The following EXOC6B variants were observed in gnomAD, a reference collection of about 807,000 sequenced individuals.
EXOC6B encodes SEC15 homolog B.
In EXOC6B, 54 loss-of-function variants were observed where a neutral mutation model predicts 113.5. That is an observed-to-expected ratio of 0.48 (90% CI 0.38 to 0.60). The LOEUF is 0.60. Ranked by LOEUF, EXOC6B falls within the 20% of genes least tolerant of loss-of-function variation. The pLI, the probability that EXOC6B is intolerant of heterozygous loss-of-function variation, is 0.00. For missense variants in EXOC6B, 797 were observed against 977.5 expected (o/e 0.82, Z 2.46); for synonymous variants, 357 against 339.0 (o/e 1.05, Z -0.58).
At chr2:72,728,560 T>C (rs1680450680) in intron 5 of EXOC6B, among the ~76,000 whole-genome samples, 1 of 152,208 alleles carries the variant, frequency 6.6e-6, no homozygotes, top group Admixed American at 6.5e-5. Context: ...ACTCATGTTA[T>C]ATACTCATAA....
chr2:72,430,727 T>A (rs1695472595), intron 18 of EXOC6B, among the ~76,000 whole-genome samples: 1 of 152,188 alleles, frequency 6.6e-6, no homozygotes, highest in Admixed American at 6.5e-5. Context: ...ACTTAAGATA[T>A]CATTTCACTA....
Position 72,632,504 on chromosome 2 carries a change from T to C in EXOC6B, c.670-56836A>G, listed in dbSNP as rs1672537554. On this transcript the variant is annotated intron_variant, in intron 6 of 21. Transcript: ENST00000272427. Reference sequence around the variant, plus strand: ...AATGGTTATGGTTATATAGTTGGTATTTTAATATTTTTTAAAACCTGGAAA... The same window carrying C: ...AATGGTTATGGTTATATAGTTGGTACTTTAATATTTTTTAAAACCTGGAAA... Among the ~76,000 whole-genome samples the C allele has an allele frequency of 2.0e-5, 3 of 152,192 alleles. No homozygotes were observed. In the South Asian group the frequency reaches 6.2e-4, roughly 32 times the overall value.
At chr2:72,369,349 A>G (rs1386137444) in intron 19 of EXOC6B, among the ~76,000 whole-genome samples, 3 of 152,212 alleles carry the variant, frequency 2.0e-5, no homozygotes, top group Non-Finnish European at 4.4e-5. Flanking sequence ...CCACTGCTCA[A>G]CGAAATAAAA....
intron 6 of EXOC6B, among the ~76,000 whole-genome samples, chr2:72,589,801 G>T (rs186755961): frequency 6.6e-6 from 1 of 151,672 alleles, no homozygotes; most frequent in East Asian, 1.9e-4. Flanking sequence ...TAACAGATCT[G>T]ATATAACTTA....
intron 20 of EXOC6B, among the ~76,000 whole-genome samples, chr2:72,311,397 G>T (rs1687175333): frequency 6.6e-6 from 1 of 151,988 alleles, no homozygotes; most frequent in Non-Finnish European, 1.5e-5. Flanking sequence ...CTTTATAGAG[G>T]CCACCCGTAC....
intron 18 of EXOC6B, chr2:72,461,419 T>G (rs1697666792): frequency 6.6e-6 from 1 of 151,302 alleles, no homozygotes; most frequent in African/African-American, 2.4e-5. Flanking sequence ...GCACTGTACA[T>G]AATATAGATA....
At chr2:72,511,000 C>A (rs1700866788) in intron 11 of EXOC6B, among the ~76,000 whole-genome samples, 1 of 151,766 alleles carries the variant, frequency 6.6e-6, no homozygotes. Flanking sequence ...TTCAAGTTTG[C>A]CAGATTTTAT....
chr2:72,238,635 T>C (rs979290915), intron 20 of EXOC6B, among the ~76,000 whole-genome samples: 2 of 152,248 alleles, frequency 1.3e-5, no homozygotes, highest in Non-Finnish European at 2.9e-5. Flanking sequence ...GTTTTTATTT[T>C]AATTTCCCTA....
chr2:72,741,098 C>T (rs1217101262), intron 2 of EXOC6B, among the ~76,000 whole-genome samples: 9 of 149,854 alleles, frequency 6.0e-5, no homozygotes, highest in African/African-American at 2.0e-4. Context: ...AGCGAGACTC[C>T]GCCTCAAAAA....
At chr2:72,524,794 C>A (rs965932631) in intron 8 of EXOC6B, among the ~76,000 whole-genome samples, 8 of 152,258 alleles carry the variant, frequency 5.3e-5, no homozygotes, top group African/African-American at 1.9e-4. Context: ...TCAAGAGCCA[C>A]AACATTGTCA....
intron 6 of EXOC6B, among the ~76,000 whole-genome samples, chr2:72,626,762 C>T (rs1356976292): frequency 6.6e-6 from 1 of 152,082 alleles, no homozygotes; most frequent in Non-Finnish European, 1.5e-5. Flanking sequence ...GAAGGAAGAG[C>T]GTTTTCCCTC....
chr2:72,803,906 A>G (rs1276367155), intron 1 of EXOC6B, among the ~76,000 whole-genome samples: 1 of 152,208 alleles, frequency 6.6e-6, no homozygotes, highest in African/African-American at 2.4e-5. Context: ...ACAACTGTAC[A>G]AAGAAACCAT....
At chr2:72,471,447 T>C (rs1315908817) in intron 17 of EXOC6B, among the ~76,000 whole-genome samples, 2 of 152,202 alleles carry the variant, frequency 1.3e-5, no homozygotes, top group Non-Finnish European at 2.9e-5. Flanking sequence ...TCTTTTGCTG[T>C]GCAGAAGCTC....
At chr2:72,286,475 T>A (rs571418007) in intron 20 of EXOC6B, among the ~76,000 whole-genome samples, 14 of 152,176 alleles carry the variant, frequency 9.2e-5, no homozygotes, top group African/African-American at 3.4e-4. Context: ...AAAAGATCAG[T>A]GGCTGCCAGG....
chr2:72,348,027 T>G (rs575636041), intron 19 of EXOC6B, among the ~76,000 whole-genome samples: 1 of 152,122 alleles, frequency 6.6e-6, no homozygotes, highest in African/African-American at 2.4e-5. Context: ...ATACCATACA[T>G]TGGGGAGCTT....
chr2:72,328,357 A>T (rs1688249926), intron 20 of EXOC6B, among the ~76,000 whole-genome samples: 1 of 152,056 alleles, frequency 6.6e-6, no homozygotes, highest in South Asian at 2.1e-4. Flanking sequence ...TGCCCTAGAG[A>T]TCTTGCCAGA....
At chr2:72,394,618 G>C (rs1692607502) in intron 18 of EXOC6B, among the ~76,000 whole-genome samples, 2 of 152,106 alleles carry the variant, frequency 1.3e-5, no homozygotes, top group Non-Finnish European at 2.9e-5. Flanking sequence ...CTCAACTCCT[G>C]TTCAGGTTAA....
At chr2:72,615,119 C>T (rs1268813434) in intron 6 of EXOC6B, among the ~76,000 whole-genome samples, 1 of 152,026 alleles carries the variant, frequency 6.6e-6, no homozygotes, top group Non-Finnish European at 1.5e-5. Context: ...AAGCTGTGCT[C>T]ATATCTAAGA....
chr2:72,513,792 C>T (rs1019693501), intron 10 of EXOC6B, among the ~76,000 whole-genome samples: 5 of 151,956 alleles, frequency 3.3e-5, no homozygotes, highest in African/African-American at 1.2e-4. Flanking sequence ...TACGTTTGAA[C>T]AATCTTGTGG....
Sources: gnomAD v4.1 joint callset for allele counts (sites outside exome capture counted in the v4.1 genomes callset) on GRCh38, gnomAD v4.1.1 for gene constraint, MANE v1.5 for transcripts, NCBI Gene and HGNC (gene_info 2026-07-23, HGNC 2026-07-21) for gene names.